The following TMEM132B variants were observed in gnomAD, a reference collection of about 807,000 sequenced individuals.
TMEM132B encodes transmembrane protein 132B.
Under a neutral mutation model 90.8 loss-of-function variants are expected in TMEM132B, and 18 were observed. The ratio of observed to expected loss-of-function variants is 0.20; its 90% CI spans 0.14 to 0.29. The LOEUF (loss-of-function observed/expected upper bound fraction) is 0.29. TMEM132B is among the 10% of genes least tolerant of loss of function. The pLI is 1.00. For synonymous variants in TMEM132B, 504 were observed against 523.3 expected (o/e 0.96, Z 0.50); for missense variants, 1,096 against 1,326.8 (o/e 0.83, Z 2.70).
chr12:125,487,000 A>G (rs1449933614), intron 3 of TMEM132B, among the ~76,000 whole-genome samples: 1 of 152,162 alleles, frequency 6.6e-6, no homozygotes, highest in Admixed American at 6.5e-5. Flanking sequence ...ATTTGTTCCG[A>G]AACCATAAGG....
chr12:125,649,851 G>C (rs920215977), intron 6 of TMEM132B, among the ~76,000 whole-genome samples: 4 of 152,172 alleles, frequency 2.6e-5, no homozygotes, highest in African/African-American at 9.7e-5. Flanking sequence ...TGGACAGGTG[G>C]AGGTTAGAGG....
At chr12:125,632,726 C>A (rs1339728617) in intron 5 of TMEM132B, among the ~76,000 whole-genome samples, 1 of 152,060 alleles carries the variant, frequency 6.6e-6, no homozygotes, top group Non-Finnish European at 1.5e-5. Context: ...CCACTCTCTT[C>A]TGGCCTTTAA....
At position 125,509,667 on chromosome 12, in the gene TMEM132B, C is replaced by T. The variant is rs572626904; in HGVS notation, c.1107-9772C>T. Among the ~76,000 whole-genome samples, 7 of 152,088 alleles carry T rather than the reference C, an allele frequency of 4.6e-5. No homozygotes were observed. The East Asian group carries it at 1.3e-3, about 29-fold the overall frequency. Reference sequence around the variant, plus strand: ...TCGGGAGGTAGCAGTAGAAGGAAGACTATTCTTTTATACTTTTTGAATTTT... The same window carrying T: ...TCGGGAGGTAGCAGTAGAAGGAAGATTATTCTTTTATACTTTTTGAATTTT... On this transcript the variant is annotated intron_variant, in intron 3 of 8. Transcript: ENST00000682704.
chr12:125,564,676 T>C (rs1884621266), intron 4 of TMEM132B, among the ~76,000 whole-genome samples: 1 of 152,236 alleles, frequency 6.6e-6, no homozygotes, highest in Non-Finnish European at 1.5e-5. Flanking sequence ...TTCCTCCTCC[T>C]AATTCACCAG....
intron 5 of TMEM132B, among the ~76,000 whole-genome samples, chr12:125,635,161 A>G (rs1886452127): frequency 1.3e-5 from 2 of 152,154 alleles, no homozygotes. Context: ...TTATTTATTT[A>G]TACTTTAAAC....
rs975619049 is a variant in TMEM132B at position 125,445,929 on chromosome 12, C to T, written c.1106+30252C>T. Among the ~76,000 whole-genome samples the T allele has an allele frequency of 2.6e-5, 4 of 152,158 alleles. No homozygotes were observed. The highest frequency in any genetic ancestry group is 4.4e-5 in the Non-Finnish European group (3 of 68,008). On this transcript the variant is annotated intron_variant, in intron 3 of 8. Transcript: ENST00000682704. This position sits in a 1 kb window ranked among gnomAD's most constrained non-coding sequence, Gnocchi z 4.3. ...TCCCAGGATAGAGTTCCCTCCTTGC[C>T]TCGCAGGGAGACAGCTCTGGGGTGG...
intron 1 of TMEM132B, among the ~76,000 whole-genome samples, chr12:125,194,636 AGTT>A (rs1041728370): frequency 2.0e-5 from 3 of 148,462 alleles, no homozygotes; most frequent in African/African-American, 7.5e-5. Context: ...TCCTTTCTGT[AGTT>A]GTGCCATCTG....
At chr12:125,236,779 C>T (rs1873945973) in intron 1 of TMEM132B, among the ~76,000 whole-genome samples, 1 of 152,248 alleles carries the variant, frequency 6.6e-6, no homozygotes, top group African/African-American at 2.4e-5. Flanking sequence ...TTTTGAAAAG[C>T]CAAGCTCTTT....
At chr12:125,639,843 A>G (rs928088086) in intron 5 of TMEM132B, among the ~76,000 whole-genome samples, 4 of 152,220 alleles carry the variant, frequency 2.6e-5, no homozygotes, top group African/African-American at 9.6e-5. Flanking sequence ...ATGCAGTCCT[A>G]TGTCATTTAT....
chr12:125,313,752 C>T (rs1876181553), intron 1 of TMEM132B, among the ~76,000 whole-genome samples: 1 of 129,002 alleles, frequency 7.8e-6, no homozygotes, highest in Admixed American at 8.5e-5. Flanking sequence ...CCCAGGCTGG[C>T]TTCACGGACA....
At chr12:125,333,380 G>T (rs1876854034) in intron 1 of TMEM132B, among the ~76,000 whole-genome samples, 1 of 152,168 alleles carries the variant, frequency 6.6e-6, no homozygotes, top group South Asian at 2.1e-4. Context: ...GTAACCATGG[G>T]TTAGAACCTG....
intron 2 of TMEM132B, among the ~76,000 whole-genome samples, chr12:125,391,040 AGTGTGTGT>A (rs57083034): frequency 2.4e-5 from 2 of 84,934 alleles, no homozygotes; most frequent in African/African-American, 5.0e-5. Context: ...ACTAAAGAAT[AGTGTGTGT>A]GTGTGTGTGT....
Position 125,406,177 on chromosome 12 carries a change from T to C in TMEM132B, c.960-9354T>C, listed in dbSNP as rs1043473890. 1.3e-5 allele frequency among the ~76,000 whole-genome samples: 2 copies of C among 152,228 alleles called. No individual in the cohort carries two copies. The highest frequency in any genetic ancestry group is 2.4e-5 in the African/African-American group (1 of 41,454). Reference sequence around the variant, plus strand: ...AGTAGACTGTGAGTACCTTTTACTGTCCAAACAGGAATCTTCTTTATCTCC... The same window carrying C: ...AGTAGACTGTGAGTACCTTTTACTGCCCAAACAGGAATCTTCTTTATCTCC... On this transcript the variant is annotated intron_variant, in intron 2 of 8. Coordinates refer to ENST00000682704, the MANE Select transcript of TMEM132B (RefSeq NM_001366854.1). The surrounding 1 kb of genome is among the most constrained non-coding windows in gnomAD (Gnocchi z 8.3).
Position 125,499,806 on chromosome 12 carries a change from T to C in TMEM132B, c.1107-19633T>C, listed in dbSNP as rs888490560. On this transcript the variant is annotated intron_variant, in intron 3 of 8. Coordinates refer to ENST00000682704, the MANE Select transcript of TMEM132B (RefSeq NM_001366854.1). ...GTTACTGCTGATAATATTTTACTAA[T>C]CATAGGTTATGGAAAGATTGTGTTT... Among the ~76,000 whole-genome samples the C allele has an allele frequency of 2.6e-5, 4 of 152,208 alleles. No individual in the cohort carries two copies. The South Asian group carries it at 6.2e-4, about 24-fold the overall frequency.
intron 7 of TMEM132B, among the ~76,000 whole-genome samples, chr12:125,651,358 A>G (rs146309692): frequency 1.3e-5 from 2 of 152,218 alleles, no homozygotes; most frequent in African/African-American, 4.8e-5. Context: ...TAGTTGTATC[A>G]TACCTTGTAC....
intron 3 of TMEM132B, among the ~76,000 whole-genome samples, chr12:125,511,027 CAAAG>C (rs1169276115): frequency 1.3e-5 from 2 of 152,066 alleles, no homozygotes; most frequent in Non-Finnish European, 2.9e-5. Flanking sequence ...TTGTCACACT[CAAAG>C]AAACTGCATC....
chr12:125,517,074 T>C (rs1003801111), intron 3 of TMEM132B, among the ~76,000 whole-genome samples: 1 of 152,084 alleles, frequency 6.6e-6, no homozygotes, highest in Non-Finnish European at 1.5e-5. Context: ...TAAATAGGGG[T>C]CCCCTGATGG....
chr12:125,646,736 A>G (rs542409746), intron 6 of TMEM132B, among the ~76,000 whole-genome samples: 94 of 152,352 alleles, frequency 6.2e-4, no homozygotes, highest in African/African-American at 2.1e-3. Flanking sequence ...TTTAACTACA[A>G]TAGATTTCAG....
chr12:125,261,671 A>T (rs1209781478), intron 1 of TMEM132B, among the ~76,000 whole-genome samples: 2 of 152,230 alleles, frequency 1.3e-5, no homozygotes, highest in African/African-American at 4.8e-5. Context: ...ATAACATTAC[A>T]TGAAAATGTA....
Sources: gnomAD v4.1 joint callset for allele counts (sites outside exome capture counted in the v4.1 genomes callset) on GRCh38, gnomAD v4.1.1 for gene constraint, Gnocchi (gnomAD v3.1) non-coding constraint, MANE v1.5 for transcripts, NCBI Gene and HGNC (gene_info 2026-07-23, HGNC 2026-07-21) for gene names.